Variants in SPOP observed in about 807,000 individuals in gnomAD.
SPOP encodes the protein speckle type BTB/POZ protein, also known as speckle-type POZ protein.
A neutral mutation model predicts 45.6 loss-of-function variants in SPOP; 11 were observed. The ratio of observed to expected loss-of-function variants is 0.24; its 90% CI spans 0.15 to 0.40. The LOEUF (loss-of-function observed/expected upper bound fraction) is 0.40, where lower values mean the gene tolerates loss of function less well. SPOP is among the 10% of genes least tolerant of loss of function. The pLI, the probability that SPOP is intolerant of heterozygous loss-of-function variation, is 1.00. For missense variants in SPOP, 152 were observed against 465.6 expected (o/e 0.33, Z 6.20); for synonymous variants, 166 against 166.3 (o/e 1.00, Z 0.01).
intron 5 of SPOP, among the ~76,000 whole-genome samples, chr17:49,617,091 G>T (rs1310600406): frequency 6.6e-6 from 1 of 152,168 alleles, no homozygotes; most frequent in Non-Finnish European, 1.5e-5. Context: ...AATGGATTGG[G>T]AAGAGAGGGG....
chr17:49,622,702 C>T (rs777957201), intron 2 of SPOP, 31 bp downstream of exon 2: 5 of 1,601,362 alleles, frequency 3.1e-6, no homozygotes, highest in Non-Finnish European at 4.3e-6. Context: ...TCCCCAGATG[C>T]AAGATTCACA....
intron 1 of SPOP, among the ~76,000 whole-genome samples, chr17:49,638,345 T>C (rs547826558): frequency 2.0e-5 from 3 of 152,284 alleles, no homozygotes; most frequent in Middle Eastern, 3.4e-3. Flanking sequence ...ATCCCAGCAC[T>C]TGTGGGAGGC....
At chr17:49,634,657 G>C (rs1055703696) in intron 1 of SPOP, among the ~76,000 whole-genome samples, 7 of 152,160 alleles carry the variant, frequency 4.6e-5, no homozygotes, top group African/African-American at 1.7e-4. Context: ...GAAACAAATA[G>C]AGCTTATATA....
intron 1 of SPOP, among the ~76,000 whole-genome samples, chr17:49,637,482 G>T (rs1334309166): frequency 6.6e-6 from 1 of 151,950 alleles, no homozygotes; most frequent in African/African-American, 2.4e-5. Context: ...TCCCAAGTAG[G>T]TGGGATTACA....
At chr17:49,624,953 C>T (rs1338069785) in intron 1 of SPOP, among the ~76,000 whole-genome samples, 1 of 151,338 alleles carries the variant, frequency 6.6e-6, no homozygotes, top group Non-Finnish European at 1.5e-5. Context: ...GTGGAAAATA[C>T]ATGTACCCTA....
intron 1 of SPOP, among the ~76,000 whole-genome samples, chr17:49,635,632 C>CT (rs11451249): frequency 0.3 from 36,979 of 121,610 alleles, 6,446 homozygotes; most frequent in Non-Finnish European, 0.36. Context: ...AGGTATCTCT[C>CT]TTTTTTTTTT....
chr17:49,657,240 T>C (rs1428488501), intron 1 of SPOP, among the ~76,000 whole-genome samples: 1 of 151,882 alleles, frequency 6.6e-6, no homozygotes, highest in Middle Eastern at 3.2e-3. Context: ...TTTATCAAAA[T>C]GTCCTTTAAT....
At chr17:49,623,095 C>T (rs1323737109) in intron 1 of SPOP, among the ~76,000 whole-genome samples, 1 of 151,986 alleles carries the variant, frequency 6.6e-6, no homozygotes, top group Non-Finnish European at 1.5e-5. Flanking sequence ...CAACCTCCGC[C>T]TTTCCTGGGT....
intron 1 of SPOP, among the ~76,000 whole-genome samples, chr17:49,652,257 A>C (rs543496562): frequency 1.3e-5 from 2 of 152,352 alleles, no homozygotes; most frequent in South Asian, 2.1e-4. Flanking sequence ...ATTTTGGATA[A>C]GGGATGTTCA....
At chr17:49,668,863 ACCT>A (rs1567805966) in intron 1 of SPOP, among the ~76,000 whole-genome samples, 2 of 143,066 alleles carry the variant, frequency 1.4e-5, no homozygotes, top group Non-Finnish European at 3.0e-5. Flanking sequence ...TGCAAGCTCC[ACCT>A]CCCAGGTTCC....
chr17:49,661,962 G>A (rs982562780), intron 1 of SPOP, among the ~76,000 whole-genome samples: 13 of 135,400 alleles, frequency 9.6e-5, no homozygotes, highest in Non-Finnish European at 1.4e-4. Flanking sequence ...GCGGTGAGCC[G>A]AAATCATGCC....
In SPOP at chr17:49,646,871, T is replaced by C. The variant is rs1378604440; in HGVS notation, c.-66-23995A>G. On this transcript the variant is annotated intron_variant, in intron 1 of 9. Transcript: ENST00000504102. ...CCAACACTTTGCAATTCCTTTGGGG[T>C]GACTCTTAGATCAGGTATGGTCTTT... Among the ~76,000 whole-genome samples, 4 of 152,282 alleles carry C rather than the reference T, an allele frequency of 2.6e-5. No homozygotes were observed. In the East Asian group the frequency reaches 5.8e-4, roughly 22 times the overall value.
intron 2 of SPOP, chr17:49,622,318 C>T (rs1471364279): frequency 3.3e-6 from 2 of 598,246 alleles, no homozygotes; most frequent in East Asian, 3.6e-5. Flanking sequence ...ACAGGAAAAA[C>T]AGAAACAAAA....
intron 1 of SPOP, among the ~76,000 whole-genome samples, chr17:49,670,314 T>C (rs1160859589): frequency 3.3e-5 from 5 of 152,234 alleles, no homozygotes; most frequent in African/African-American, 1.2e-4. Context: ...TGTGTCAGAA[T>C]AGCCTTTCGG....
At position 49,607,392 on chromosome 17, in the gene SPOP, T is replaced by C. The variant is rs201385694; in HGVS notation, c.715-20A>G. ...TCGATTCTATGCCAGAAAAACTGAA[T>C]ATGAGAAACATTCCAACAGAACAAA... is the stretch of plus-strand genomic sequence containing the variant. On this transcript the variant is annotated intron_variant, in intron 7 of 9. Coordinates refer to ENST00000504102, the MANE Select transcript of SPOP (RefSeq NM_001007228.2). The C allele has an allele frequency of 2.5e-6, 4 of 1,609,114 alleles. No homozygotes were observed. The highest frequency in any genetic ancestry group is 3.4e-6 in the Non-Finnish European group (4 of 1,177,416).
At chr17:49,652,481 T>G (rs1009272150) in intron 1 of SPOP, among the ~76,000 whole-genome samples, 2 of 152,160 alleles carry the variant, frequency 1.3e-5, no homozygotes, top group African/African-American at 4.8e-5. Context: ...GGAGAAAGTG[T>G]TTCTGGCCTT....
intron 1 of SPOP, among the ~76,000 whole-genome samples, chr17:49,653,134 G>T (rs1277268546): frequency 6.6e-6 from 1 of 152,016 alleles, no homozygotes; most frequent in African/African-American, 2.4e-5. Context: ...GGGTGACTGT[G>T]TAAGAATCTC....
intron 1 of SPOP, among the ~76,000 whole-genome samples, chr17:49,672,954 A>C (rs974291575): frequency 6.6e-6 from 1 of 152,132 alleles, no homozygotes; most frequent in Non-Finnish European, 1.5e-5. Flanking sequence ...CTCGAAAAAA[A>C]AACAAAAAAC....
At chr17:49,644,063 A>C (rs2072709255) in intron 1 of SPOP, among the ~76,000 whole-genome samples, 1 of 151,772 alleles carries the variant, frequency 6.6e-6, no homozygotes, top group African/African-American at 2.4e-5. Flanking sequence ...ACAGAAATGC[A>C]AAATATTAAA....
Sources: gnomAD v4.1 joint callset for allele counts (sites outside exome capture counted in the v4.1 genomes callset) on GRCh38, gnomAD v4.1.1 for gene constraint, MANE v1.5 for transcripts, NCBI Gene and HGNC (gene_info 2026-07-23, HGNC 2026-07-21) for gene names.